The following KBTBD2 variants were observed in gnomAD, a reference collection of about 807,000 sequenced individuals.
KBTBD2 encodes the protein kelch repeat and BTB domain-containing protein 2.
Under a neutral mutation model 57.1 loss-of-function variants are expected in KBTBD2, and 17 were observed. The ratio of observed to expected loss-of-function variants is 0.30; its 90% confidence interval spans 0.20 to 0.45. The LOEUF (loss-of-function observed/expected upper bound fraction) is 0.45. KBTBD2 is among the 20% of genes least tolerant of loss of function. The pLI is 1.00. For missense variants in KBTBD2, 515 were observed against 750.6 expected (o/e 0.69, Z 3.67); for synonymous variants, 267 against 262.7 (o/e 1.02, Z -0.16).
At chr7:32,884,462 G>A (rs1415870561) in intron 1 of KBTBD2, among the ~76,000 whole-genome samples, 9 of 150,898 alleles carry the variant, frequency 6.0e-5, no homozygotes, top group Admixed American at 4.0e-4. Flanking sequence ...GGCTGAGGTG[G>A]ACAGATCACC....
chr7:32,888,349 A>G (rs942461664), intron 1 of KBTBD2, among the ~76,000 whole-genome samples: 37 of 152,230 alleles, frequency 2.4e-4, no homozygotes, highest in African/African-American at 8.2e-4. Context: ...ACCAGTCATA[A>G]AACAAGCCTT....
intron 3 of KBTBD2, among the ~76,000 whole-genome samples, chr7:32,873,962 T>C (rs1784245072): frequency 6.6e-6 from 1 of 152,136 alleles, no homozygotes; most frequent in South Asian, 2.1e-4. Context: ...GAAAATTACA[T>C]AGATAAAAGA....
rs1396152951 is a variant in KBTBD2 at position 32,884,972 on chromosome 7, G to GTGTGTGTATATATATATACACATATA, written c.-338-5031_-338-5030insTATATGTGTATATATATATACACACA. Among the ~76,000 whole-genome samples the GTGTGTGTATATATATATACACATATA allele has an allele frequency of 3.7e-3, 483 of 130,562 alleles. 4 individuals carry two copies. The highest frequency in any genetic ancestry group is 5.9e-3 in the Non-Finnish European group (373 of 63,328). The allele number at this position is 130,562 out of a possible 152,430, so 85.7% of individuals were successfully genotyped here. ...CTTTTATATATATATGTGTGTATGT[G>GTGTGTGTATATATATATACACATATA]TGTGTATATATATATATACACATAT... is the stretch of plus-strand genomic sequence containing the variant. On this transcript the variant is annotated intron_variant, in intron 1 of 3. Coordinates refer to ENST00000304056, the MANE Select transcript of KBTBD2 (RefSeq NM_015483.3).
intron 3 of KBTBD2, chr7:32,874,574 C>T (rs1420302030): frequency 6.4e-6 from 1 of 155,748 alleles, no homozygotes; most frequent in African/African-American, 2.4e-5. Context: ...GCACTCCAGC[C>T]TGGGTGACCG....
chr7:32,872,550 T>C (rs1011017651), intron 3 of KBTBD2, among the ~76,000 whole-genome samples: 1 of 152,030 alleles, frequency 6.6e-6, no homozygotes, highest in Non-Finnish European at 1.5e-5. Flanking sequence ...TGGTGATGCA[T>C]GTCTACAGAC....
chr7:32,887,249 T>C (rs1370413022), intron 1 of KBTBD2, among the ~76,000 whole-genome samples: 1 of 152,226 alleles, frequency 6.6e-6, no homozygotes, highest in Non-Finnish European at 1.5e-5. Flanking sequence ...TAGCAAGGCC[T>C]GCTACAATAA....
chr7:32,884,836 G>A (rs1259029263), intron 1 of KBTBD2, among the ~76,000 whole-genome samples: 2 of 151,862 alleles, frequency 1.3e-5, no homozygotes, highest in African/African-American at 2.4e-5. Flanking sequence ...CAGCCTGAAA[G>A]CAGCCAAAGA....
chr7:32,887,540 G>A (rs539249523), intron 1 of KBTBD2, among the ~76,000 whole-genome samples: 3 of 152,266 alleles, frequency 2.0e-5, no homozygotes, highest in African/African-American at 7.2e-5. Flanking sequence ...AAATTATATA[G>A]TAGGAATGAA....
In KBTBD2 at chr7:32,869,058, C is replaced by CAT; in HGVS notation, c.*285_*286dup. On this transcript the variant is annotated 3_prime_UTR_variant, in exon 4 of 4. Transcript: ENST00000304056. Reference sequence around the variant, plus strand: ...TTATAAATGAACTTTTTGAACTGTACATACACAGGGCTAACAATGTTAGAT... The same window carrying CAT: ...TTATAAATGAACTTTTTGAACTGTACATATACACAGGGCTAACAATGTTAGAT... 2 of 286,256 alleles carry CAT rather than the reference C, an allele frequency of 7.0e-6. No individual in the cohort carries two copies. Among genetic ancestry groups the CAT allele is most frequent in the Non-Finnish European group, 1.3e-5 (2 of 152,714 alleles). 17.7% of individuals were successfully genotyped at this position (286,256 alleles called of 1,614,324 possible).
intron 1 of KBTBD2, among the ~76,000 whole-genome samples, chr7:32,882,627 AAAAT>A (rs1784472498): frequency 6.6e-6 from 1 of 152,212 alleles, no homozygotes; most frequent in Non-Finnish European, 1.5e-5. Flanking sequence ...AAGTTACCTT[AAAAT>A]AGGCAGAAAA....
intron 1 of KBTBD2, among the ~76,000 whole-genome samples, chr7:32,884,133 A>C (rs1784509307): frequency 6.6e-6 from 1 of 152,228 alleles, no homozygotes; most frequent in Admixed American, 6.5e-5. Flanking sequence ...ACAGTGGATC[A>C]CACAGGAGGA....
At position 32,870,323 on chromosome 7, in the gene KBTBD2, T is replaced by C. The variant is rs371954895; in HGVS notation, c.894A>G (p.Leu298=). 8 of 1,614,014 alleles carry C rather than the reference T, an allele frequency of 5.0e-6. No individual in the cohort carries two copies. Among genetic ancestry groups the C allele is most frequent in the South Asian group, 1.1e-5 (1 of 91,058 alleles). ...YSPQAEKVYK[L]CSPPADLHKV... ...TATGCAAATCAGCTGGTGGGCTACATAACTTGTAAACTTTTTCTGCTTGGG... is the reference window on the plus strand; with the variant it reads ...TATGCAAATCAGCTGGTGGGCTACACAACTTGTAAACTTTTTCTGCTTGGG... The change falls in exon 4 of 4, where the codon TTA becomes TTG. Residue 298 remains leucine (L), a synonymous_variant. Transcript: ENST00000304056.
At chr7:32,875,243 G>A in intron 2 of KBTBD2, 86 bp from the exon 3 acceptor site, 1 of 1,210,350 alleles carries the variant, frequency 8.3e-7, no homozygotes, top group Non-Finnish European at 1.2e-6. Flanking sequence ...ACAATAAGAG[G>A]TGTTTATTTA....
chr7:32,878,590 AAAAAC>A (rs1332333837), intron 2 of KBTBD2, among the ~76,000 whole-genome samples: 3 of 151,808 alleles, frequency 2.0e-5, no homozygotes, highest in Non-Finnish European at 4.4e-5. Context: ...CTCAAAAAAA[AAAAAC>A]AAAAACAAAA....
In KBTBD2 at chr7:32,884,281, G is replaced by C. The variant is rs182763130; in HGVS notation, c.-338-4339C>G. ...TACTCCCAGCACTTTGGGAGGCCAA[G>C]GCGAGAGGGTACCTTGAGGCCAAGA... On this transcript the variant is annotated intron_variant, in intron 1 of 3. Coordinates refer to ENST00000304056, the MANE Select transcript of KBTBD2 (RefSeq NM_015483.3). Among the ~76,000 whole-genome samples the C allele has an allele frequency of 2.4e-4, 36 of 152,168 alleles. No homozygotes were observed. In the East Asian group the frequency reaches 6.8e-3, roughly 29 times the overall value.
chr7:32,880,316 AT>A lies in KBTBD2; in HGVS notation c.-338-375del, dbSNP rs200041533. Among the ~76,000 whole-genome samples, 1,284 of 152,062 alleles carry A rather than the reference AT, an allele frequency of 8.4e-3. 29 individuals carry two copies. Among genetic ancestry groups the A allele is most frequent in the African/African-American group, 0.03 (1,233 of 41,464 alleles). ...ATGATCATAATATTTAAGAAAAAATATTTTTTTAAAAAAACAAAAAACCTGC... is the reference window on the plus strand; with the variant it reads ...ATGATCATAATATTTAAGAAAAAATATTTTTTAAAAAAACAAAAAACCTGC... On this transcript the variant is annotated intron_variant, in intron 1 of 3. Coordinates refer to ENST00000304056, the MANE Select transcript of KBTBD2 (RefSeq NM_015483.3).
chr7:32,890,714 A>T (rs1784710645), intron 1 of KBTBD2, among the ~76,000 whole-genome samples: 1 of 152,198 alleles, frequency 6.6e-6, no homozygotes, highest in African/African-American at 2.4e-5. Flanking sequence ...ACACCCTTTT[A>T]AAGTTCATTT....
At chr7:32,876,237 G>A (rs1475005010) in intron 2 of KBTBD2, among the ~76,000 whole-genome samples, 6 of 152,216 alleles carry the variant, frequency 3.9e-5, no homozygotes, top group Non-Finnish European at 5.9e-5. Flanking sequence ...AACAGTGAGT[G>A]TCACAACAGT....
In KBTBD2 at chr7:32,870,470, C is replaced by T; in HGVS notation, c.747G>A (p.Leu249=). 6.2e-7 allele frequency: 1 copy of T among 1,613,888 alleles called. No homozygotes were observed. The highest frequency in any genetic ancestry group is 8.5e-7 in the Non-Finnish European group (1 of 1,179,900). ...PNDKSVVVQG[L]YKSMPKFFKP... is the part of the protein sequence containing the mutation. ...TGAAAAACTTGGGCATGGACTTATACAGACCTTGAACCACCACTGACTTAT... is the reference window on the plus strand; with the variant it reads ...TGAAAAACTTGGGCATGGACTTATATAGACCTTGAACCACCACTGACTTAT... The change falls in exon 4 of 4, where the codon CTG becomes CTA. Residue 249 remains leucine, a synonymous_variant. Coordinates refer to ENST00000304056, the MANE Select transcript of KBTBD2 (RefSeq NM_015483.3).
Sources: gnomAD v4.1 joint callset for allele counts (sites outside exome capture counted in the v4.1 genomes callset) on GRCh38, gnomAD v4.1.1 for gene constraint, MANE v1.5 for transcripts, NCBI Gene and HGNC (gene_info 2026-07-23, HGNC 2026-07-21) for gene names.